Variants in RGS6 observed in about 807,000 individuals in gnomAD.
The protein encoded by RGS6 is regulator of G-protein signaling 6.
In RGS6, 30 loss-of-function variants were observed where a neutral mutation model predicts 78.5. The observed-to-expected ratio is 0.38, with a 90% CI of 0.29 to 0.52. The LOEUF is 0.52. Ranked by LOEUF, RGS6 falls within the 20% of genes least tolerant of loss-of-function variation. The pLI is 0.85. For missense variants in RGS6, 495 were observed against 609.7 expected, an observed-to-expected ratio of 0.81 and a Z score of 1.98; for synonymous variants, 206 against 206.0, an observed-to-expected ratio of 1.00 and a Z score of 0.00.
intron 2 of RGS6, among the ~76,000 whole-genome samples, chr14:72,022,165 C>T (rs557100360): frequency 1.8e-4 from 28 of 152,212 alleles, no homozygotes; most frequent in South Asian, 4.1e-4. Flanking sequence ...TTTCTTTACC[C>T]GGTCTGTCAT....
chr14:72,355,297 G>T (rs769480506), intron 3 of RGS6, among the ~76,000 whole-genome samples: 1 of 151,432 alleles, frequency 6.6e-6, no homozygotes, highest in Non-Finnish European at 1.5e-5. Context: ...GGGTTCAAGC[G>T]ATTCTCCTGT....
chr14:72,252,537 G>T (rs2056067788), intron 2 of RGS6, among the ~76,000 whole-genome samples: 2 of 152,178 alleles, frequency 1.3e-5, no homozygotes, highest in South Asian at 4.1e-4. Flanking sequence ...CCATCTCCCT[G>T]TTAGCCTGTA....
intron 3 of RGS6, among the ~76,000 whole-genome samples, chr14:72,390,461 G>A (rs187234830): frequency 1.8e-4 from 27 of 152,058 alleles, no homozygotes; most frequent in African/African-American, 6.3e-4. Flanking sequence ...GTCTGAAAAA[G>A]TCCTCATTAT....
intron 2 of RGS6, among the ~76,000 whole-genome samples, chr14:72,212,710 G>C (rs147370085): frequency 1.3e-5 from 2 of 152,260 alleles, no homozygotes; most frequent in African/African-American, 4.8e-5. Flanking sequence ...ATCAGTAAAT[G>C]CCCTCTAGGA....
intron 2 of RGS6, among the ~76,000 whole-genome samples, chr14:72,332,841 A>G (rs1307798401): frequency 6.6e-6 from 1 of 152,192 alleles, no homozygotes; most frequent in Non-Finnish European, 1.5e-5. Flanking sequence ...GGACCTGCAT[A>G]TATTTGGAGG....
At chr14:72,461,412 T>C (rs2095778173) in intron 6 of RGS6, among the ~76,000 whole-genome samples, 1 of 152,210 alleles carries the variant, frequency 6.6e-6, no homozygotes, top group South Asian at 2.1e-4. Context: ...TAATTGTGCA[T>C]CATGAACAGG....
chr14:72,307,330 G>A (rs2067491399), intron 2 of RGS6, among the ~76,000 whole-genome samples: 1 of 152,042 alleles, frequency 6.6e-6, no homozygotes, highest in Non-Finnish European at 1.5e-5. Flanking sequence ...TATTGTGGTG[G>A]TCTGAAACTG....
chr14:72,017,017 C>G (rs576962887), intron 2 of RGS6, among the ~76,000 whole-genome samples: 15 of 152,080 alleles, frequency 9.9e-5, no homozygotes, highest in Non-Finnish European at 2.1e-4. Context: ...TGTTAAATGT[C>G]TTTGTAAGTA....
intron 2 of RGS6, among the ~76,000 whole-genome samples, chr14:72,108,399 T>A (rs986170828): frequency 6.6e-6 from 1 of 152,022 alleles, no homozygotes; most frequent in African/African-American, 2.4e-5. Flanking sequence ...TATGTCTTGA[T>A]GCTGATAGTT....
chr14:72,505,973 C>A (rs28507743), intron 13 of RGS6, among the ~76,000 whole-genome samples: 2,072 of 152,306 alleles, frequency 0.014, 43 homozygotes, highest in African/African-American at 0.047. Flanking sequence ...CCTTGGAGAG[C>A]TTTGCTATGT....
At chr14:72,327,401 C>T (rs1332993745) in intron 2 of RGS6, among the ~76,000 whole-genome samples, 1 of 152,204 alleles carries the variant, frequency 6.6e-6, no homozygotes, top group Non-Finnish European at 1.5e-5. Context: ...ATGCCCTCCG[C>T]TTCTTTCCCC....
chr14:72,557,919 C>G (rs546753769), intron 17 of RGS6, among the ~76,000 whole-genome samples: 2 of 152,148 alleles, frequency 1.3e-5, no homozygotes, highest in African/African-American at 4.8e-5. Context: ...ATGGGCCCAG[C>G]AACTGAAGAA....
chr14:72,190,978 G>T (rs2097316773), intron 2 of RGS6, among the ~76,000 whole-genome samples: 1 of 152,112 alleles, frequency 6.6e-6, no homozygotes, highest in Non-Finnish European at 1.5e-5. Context: ...CTAGCAATAT[G>T]TTTCTTTTCT....
intron 3 of RGS6, among the ~76,000 whole-genome samples, chr14:72,366,783 G>A (rs1438109697): frequency 1.3e-5 from 2 of 152,070 alleles, no homozygotes; most frequent in East Asian, 1.9e-4. Flanking sequence ...CTCTATCCAC[G>A]CCCCACCTGC....
At chr14:72,359,317 C>T (rs2081012764) in intron 3 of RGS6, among the ~76,000 whole-genome samples, 1 of 148,368 alleles carries the variant, frequency 6.7e-6, no homozygotes, top group Non-Finnish European at 1.5e-5. Context: ...TTGGCTTCAG[C>T]AACTGGAAAA....
intron 3 of RGS6, among the ~76,000 whole-genome samples, chr14:72,399,853 A>G (rs1279065847): frequency 6.6e-6 from 1 of 152,232 alleles, no homozygotes; most frequent in African/African-American, 2.4e-5. Context: ...GAATAAAAAG[A>G]AACAAACAAA....
At chr14:72,490,802 C>T (rs1393933155) in intron 12 of RGS6, among the ~76,000 whole-genome samples, 2 of 152,168 alleles carry the variant, frequency 1.3e-5, no homozygotes, top group East Asian at 1.9e-4. Context: ...TTACCAGGGG[C>T]TCTTTCATTT....
chr14:72,510,364 T>A (rs1195728813), intron 14 of RGS6, 85 bp downstream of exon 14: 3 of 1,523,520 alleles, frequency 2.0e-6, no homozygotes, highest in African/African-American at 2.7e-5. Flanking sequence ...TCTCTCTCAA[T>A]GAAACGTTAT....
At chr14:72,071,685 TTGTC>T (rs781225646) in intron 2 of RGS6, among the ~76,000 whole-genome samples, 28 of 152,334 alleles carry the variant, frequency 1.8e-4, no homozygotes, top group African/African-American at 3.6e-4. Flanking sequence ...TCATACATGT[TTGTC>T]TGGTCATTTA....
Sources: allele counts gnomAD v4.1 joint callset (sites outside exome capture counted in the v4.1 genomes callset), GRCh38; gene constraint gnomAD v4.1.1; transcripts MANE v1.5; gene names NCBI Gene and HGNC (gene_info 2026-07-23, HGNC 2026-07-21).